Variants in PASD1 observed in about 807,000 individuals in gnomAD.
PASD1 encodes circadian clock protein PASD1.
In PASD1, 13 loss-of-function variants were observed where a neutral mutation model predicts 58.8. The observed-to-expected ratio is 0.22, with a 90% CI of 0.14 to 0.35. The LOEUF is 0.35. Among genes scored for constraint, PASD1 ranks in the 10% least tolerant of loss-of-function variants. The pLI, the probability that PASD1 is intolerant of heterozygous loss-of-function variation, is 1.00. For synonymous variants in PASD1, 236 were observed against 216.7 expected, an observed-to-expected ratio of 1.09 and a Z score of -0.78; for missense variants, 734 against 568.3, an observed-to-expected ratio of 1.29 and a Z score of -2.96.
chrX:151,602,452 T>C (rs2013430302), intron 2 of PASD1, among the ~76,000 whole-genome samples: 1 of 111,196 alleles, frequency 9.0e-6, no homozygotes. Flanking sequence ...CTTGGCACTT[T>C]GGGAGGCCGA....
chrX:151,589,179 C>G (rs1277178201), intron 1 of PASD1, among the ~76,000 whole-genome samples: 1 of 111,677 alleles, frequency 9.0e-6, no homozygotes, highest in Non-Finnish European at 1.9e-5. Flanking sequence ...CTGCGCAGAT[C>G]ATTACCACTA....
At chrX:151,658,843 T>C (rs1445933001) in intron 9 of PASD1, among the ~76,000 whole-genome samples, 10 of 112,508 alleles carry the variant, frequency 8.9e-5, no homozygotes, top group Non-Finnish European at 5.6e-5. Context: ...CTAAACCAGG[T>C]ACTTAAATTT....
At chrX:151,637,006 A>T (rs763901404) in intron 8 of PASD1, among the ~76,000 whole-genome samples, 1 of 112,287 alleles carries the variant, frequency 8.9e-6, no homozygotes, top group East Asian at 2.8e-4. Flanking sequence ...ACAGTATGTA[A>T]TCTTTAGAGA....
At chrX:151,670,963 G>C (rs1235227087) in intron 11 of PASD1, 75 bp from the exon 12 acceptor site, 1 of 1,051,785 alleles carries the variant, frequency 9.5e-7, no homozygotes, top group Non-Finnish European at 1.3e-6. Context: ...CAGAAATTTT[G>C]AAGTGAAACA....
chrX:151,665,248 G>A (rs923715663), intron 11 of PASD1, among the ~76,000 whole-genome samples: 9 of 112,221 alleles, frequency 8.0e-5, no homozygotes, highest in Non-Finnish European at 1.7e-4. Flanking sequence ...CTATTTAAAA[G>A]GAAATTTCTG....
chrX:151,654,952 C>T (rs1403750483), intron 9 of PASD1, among the ~76,000 whole-genome samples: 1 of 110,330 alleles, frequency 9.1e-6, no homozygotes, highest in Non-Finnish European at 1.9e-5. Flanking sequence ...GTGCTGCACC[C>T]ATTAACTCAT....
chrX:151,600,461 T>C (rs1486586113), intron 1 of PASD1, among the ~76,000 whole-genome samples: 1 of 111,619 alleles, frequency 9.0e-6, no homozygotes, highest in African/African-American at 3.3e-5. Context: ...TATCTTTGCT[T>C]TTTCTGGAAC....
chrX:151,645,296 C>T (rs922247764), intron 8 of PASD1, among the ~76,000 whole-genome samples: 3 of 111,917 alleles, frequency 2.7e-5, no homozygotes, highest in Non-Finnish European at 5.6e-5. Context: ...TTTTTACTGT[C>T]ATCAGTTTCC....
chrX:151,619,510 C>T (rs1323659994), intron 4 of PASD1, among the ~76,000 whole-genome samples: 2 of 111,231 alleles, frequency 1.8e-5, no homozygotes, highest in African/African-American at 6.5e-5. Flanking sequence ...ATTCAGGAAG[C>T]AAGACTAAGA....
intron 8 of PASD1, among the ~76,000 whole-genome samples, chrX:151,640,055 T>C (rs1004592261): frequency 8.9e-6 from 1 of 112,005 alleles, no homozygotes; most frequent in African/African-American, 3.2e-5. Context: ...GGCTCAATAA[T>C]AGTCCTATAA....
rs1452485991 is a variant in PASD1 at position 151,657,036 on chromosome X, A to G, written c.718-2677A>G. Among the ~76,000 whole-genome samples, 3 of 111,785 alleles carry G rather than the reference A, an allele frequency of 2.7e-5. No individual in the cohort carries two copies. The Admixed American group carries it at 2.8e-4, about 11-fold the overall frequency. On this transcript the variant is annotated intron_variant, in intron 9 of 15. Coordinates refer to ENST00000370357, the MANE Select transcript of PASD1 (RefSeq NM_173493.3). ...TATTATTTTGAGATACGTCCCATCAATACCTAATTTATTGAGAGTTTTTAG... is the reference window on the plus strand; with the variant it reads ...TATTATTTTGAGATACGTCCCATCAGTACCTAATTTATTGAGAGTTTTTAG...
chrX:151,652,627 G>A (rs12392387), intron 9 of PASD1, among the ~76,000 whole-genome samples: 33,229 of 109,222 alleles, frequency 0.3, 4,697 homozygotes, highest in Middle Eastern at 0.47. Context: ...AGATAGAACA[G>A]GATGAGGAGG....
intron 8 of PASD1, among the ~76,000 whole-genome samples, chrX:151,640,589 T>C (rs971658870): frequency 3.6e-5 from 4 of 111,746 alleles, no homozygotes; most frequent in African/African-American, 1.3e-4. Flanking sequence ...ACTTTCTTTA[T>C]ATCTTACCAC....
At chrX:151,650,075 G>GTAGAAGAA (rs1461017000) in intron 9 of PASD1, among the ~76,000 whole-genome samples, 1 of 112,038 alleles carries the variant, frequency 8.9e-6, no homozygotes, top group Non-Finnish European at 1.9e-5. Context: ...AGGAAATAAG[G>GTAGAAGAA]TAGAAGAATG....
chrX:151,633,378 C>T (rs2013892454), intron 8 of PASD1, among the ~76,000 whole-genome samples: 1 of 111,581 alleles, frequency 9.0e-6, no homozygotes, highest in Non-Finnish European at 1.9e-5. Context: ...GGAGTTGGGG[C>T]TTTTCAGGCT....
intron 1 of PASD1, among the ~76,000 whole-genome samples, chrX:151,564,391 G>A (rs192565832): frequency 3.4e-4 from 38 of 111,629 alleles, no homozygotes; most frequent in African/African-American, 1.2e-3. Context: ...GGGCAGTAGC[G>A]GCTTTTCAAA....
At chrX:151,600,611 C>G (rs1416208419) in intron 1 of PASD1, among the ~76,000 whole-genome samples, 1 of 110,297 alleles carries the variant, frequency 9.1e-6, no homozygotes, top group Non-Finnish European at 1.9e-5. Context: ...GGAGTCCTGG[C>G]TACATGTAGG....
chrX:151,662,146 C>T (rs1206772238), intron 10 of PASD1, among the ~76,000 whole-genome samples: 8 of 112,272 alleles, frequency 7.1e-5, no homozygotes, highest in East Asian at 5.6e-4. Flanking sequence ...TTATTTCCCT[C>T]GTTTTTTGTA....
At chrX:151,642,031 T>G (rs1303659885) in intron 8 of PASD1, among the ~76,000 whole-genome samples, 7 of 112,385 alleles carry the variant, frequency 6.2e-5, no homozygotes, top group Admixed American at 2.8e-4. Context: ...AGTTAATTTC[T>G]TAAGCCAAAA....
Sources: allele counts gnomAD v4.1 joint callset (sites outside exome capture counted in the v4.1 genomes callset), GRCh38; gene constraint gnomAD v4.1.1; transcripts MANE v1.5; gene names NCBI Gene and HGNC (gene_info 2026-07-23, HGNC 2026-07-21).